Variants in KIAA1328 observed in about 807,000 individuals in gnomAD.
The protein encoded by KIAA1328 is KIAA1328.
KIAA1328 carries 52 observed loss-of-function variants against 68.1 expected under a neutral mutation model. The observed-to-expected ratio is 0.76, with a 90% CI of 0.61 to 0.96. The LOEUF (loss-of-function observed/expected upper bound fraction) is 0.96, where lower values mean the gene tolerates loss of function less well. Ranked by LOEUF, KIAA1328 falls within the 40% of genes least tolerant of loss-of-function variation. The pLI is 0.00. For synonymous variants in KIAA1328, 232 were observed against 239.4 expected (o/e 0.97, Z 0.28); for missense variants, 641 against 677.6 (o/e 0.95, Z 0.60).
At chr18:37,008,556 A>T (rs1027429652) in intron 6 of KIAA1328, among the ~76,000 whole-genome samples, 1 of 152,238 alleles carries the variant, frequency 6.6e-6, no homozygotes, top group Non-Finnish European at 1.5e-5. Flanking sequence ...TAGAGAAAAG[A>T]TAATTAAGAA....
chr18:36,880,218 C>A (rs930636913), intron 4 of KIAA1328, among the ~76,000 whole-genome samples: 2 of 152,152 alleles, frequency 1.3e-5, no homozygotes, highest in African/African-American at 4.8e-5. Flanking sequence ...AAGCATAGTA[C>A]CTGGGTCAGA....
intron 6 of KIAA1328, among the ~76,000 whole-genome samples, chr18:37,054,816 T>A (rs1186964073): frequency 6.6e-6 from 1 of 152,178 alleles, no homozygotes; most frequent in Non-Finnish European, 1.5e-5. Context: ...ATCTATTTTT[T>A]AAAAAGATTA....
At chr18:37,196,377 A>G (rs1384068336) in intron 9 of KIAA1328, among the ~76,000 whole-genome samples, 1 of 152,136 alleles carries the variant, frequency 6.6e-6, no homozygotes, top group Non-Finnish European at 1.5e-5. Context: ...CTTAGTGGAA[A>G]AGCTTTCAGT....
intron 6 of KIAA1328, among the ~76,000 whole-genome samples, chr18:37,049,488 A>T (rs2055607149): frequency 6.6e-6 from 1 of 152,196 alleles, no homozygotes; most frequent in Non-Finnish European, 1.5e-5. Context: ...AATACTCTAA[A>T]TTTTTAAAAG....
rs139865513 is a variant in KIAA1328, at chr18:37,035,801, G to A, written c.577-31089G>A. Among the ~76,000 whole-genome samples the A allele has an allele frequency of 8.8e-3, 1,344 of 152,278 alleles. 12 individuals are homozygous for A. Among genetic ancestry groups the A allele is most frequent in the Non-Finnish European group, 0.011 (742 of 68,018 alleles). The stretch of plus-strand genomic sequence containing the variant: ...TGTTTTCAGCACACACAATAAAAGA[G>A]TCCTTTAAGCTTAAAAGGGTTATAA... On this transcript the variant is annotated intron_variant, in intron 6 of 9. Transcript: ENST00000280020.
intron 6 of KIAA1328, among the ~76,000 whole-genome samples, chr18:36,968,024 G>T (rs527943350): frequency 6.6e-6 from 1 of 152,100 alleles, no homozygotes; most frequent in Non-Finnish European, 1.5e-5. Context: ...CATATTTCAG[G>T]ATATCATTCA....
At chr18:37,143,521 C>CTTTTTTTTTTTTTTTTTTTTTTTTTG (rs57046567) in intron 7 of KIAA1328, among the ~76,000 whole-genome samples, 1 of 90,778 alleles carries the variant, frequency 1.1e-5, no homozygotes, top group Admixed American at 1.2e-4. Flanking sequence ...TTTTTTCTTT[C>CTTTTTTTTTTTTTTTTTTTTTTTTTG]TTTTTTTTTT....
At chr18:37,006,844 A>T (rs987671318) in intron 6 of KIAA1328, among the ~76,000 whole-genome samples, 2 of 152,166 alleles carry the variant, frequency 1.3e-5, no homozygotes, top group Non-Finnish European at 2.9e-5. Context: ...CATCAAAAAC[A>T]TGACAGAGTA....
chr18:36,835,042 C>A lies in KIAA1328; in HGVS notation c.95-192C>A, dbSNP rs113890958. Among the ~76,000 whole-genome samples the A allele has an allele frequency of 8.4e-3, 1,277 of 152,210 alleles. 19 individuals carry two copies. Among genetic ancestry groups the A allele is most frequent in the African/African-American group, 0.029 (1,197 of 41,528 alleles). On this transcript the variant is annotated intron_variant, in intron 2 of 9. Coordinates refer to ENST00000280020, the MANE Select transcript of KIAA1328 (RefSeq NM_020776.3). ...ATATAAAAACAAATTTCAATTCAAT[C>A]TTTAGTGTATTTCTTTAAAACATAT...
chr18:36,951,049 T>C (rs1262131724), intron 5 of KIAA1328, among the ~76,000 whole-genome samples: 1 of 152,194 alleles, frequency 6.6e-6, no homozygotes, highest in African/African-American at 2.4e-5. Context: ...ACTTCATCTT[T>C]TTATTTATCT....
At position 37,225,015 on chromosome 18, in the gene KIAA1328, C is replaced by A. The variant is rs1243568174; in HGVS notation, c.*2788C>A. 1.0e-6 allele frequency: 1 copy of A among 985,282 alleles called. No homozygotes were observed. Among genetic ancestry groups the A allele is most frequent in the Non-Finnish European group, 1.2e-6 (1 of 829,918 alleles). The allele number at this position is 985,282 out of a possible 1,614,324, so 61.0% of individuals were successfully genotyped here. A position where few individuals can be genotyped will look rare whatever the true frequency, so the allele number is the denominator to read the frequency against. On this transcript the variant is annotated 3_prime_UTR_variant, in exon 10 of 10. Coordinates refer to ENST00000280020, the MANE Select transcript of KIAA1328 (RefSeq NM_020776.3). ...ACTTGTGTTTATCCAAACCTGATCCCCATGATGGGGACTTTTCTAGAGCAC... is the reference window on the plus strand; with the variant it reads ...ACTTGTGTTTATCCAAACCTGATCCACATGATGGGGACTTTTCTAGAGCAC...
chr18:37,225,459 AGGAGCCT>A (rs1195828368), downstream of KIAA1328: 1 of 311,612 alleles, frequency 3.2e-6, no homozygotes, highest in Non-Finnish European at 4.7e-6. Flanking sequence ...TTAAAACAGC[AGGAGCCT>A]GTCGTTGACT....
At chr18:36,890,090 G>A (rs2150996584) in intron 5 of KIAA1328, among the ~76,000 whole-genome samples, 1 of 151,924 alleles carries the variant, frequency 6.6e-6, no homozygotes, top group South Asian at 2.1e-4. Flanking sequence ...CTCTGACTAG[G>A]GCTTAGTAAA....
At chr18:37,181,558 A>C (rs2059699023) in intron 9 of KIAA1328, among the ~76,000 whole-genome samples, 1 of 152,190 alleles carries the variant, frequency 6.6e-6, no homozygotes, top group South Asian at 2.1e-4. Context: ...ACTGGTTTAT[A>C]GTGTGTAAGT....
chr18:37,122,959 GTAAT>G (rs1373743324), intron 7 of KIAA1328, among the ~76,000 whole-genome samples: 2 of 152,182 alleles, frequency 1.3e-5, no homozygotes, highest in Non-Finnish European at 2.9e-5. Flanking sequence ...TATTGAAGTA[GTAAT>G]GTATGTTATA....
At chr18:36,983,635 G>A (rs377162947) in intron 6 of KIAA1328, among the ~76,000 whole-genome samples, 71 of 152,052 alleles carry the variant, frequency 4.7e-4, no homozygotes, top group African/African-American at 1.6e-3. Context: ...TAGTTAAAAA[G>A]CTTTCTCACA....
At chr18:36,958,900 T>C (rs1486488171) in intron 5 of KIAA1328, among the ~76,000 whole-genome samples, 1 of 152,090 alleles carries the variant, frequency 6.6e-6, no homozygotes, top group Non-Finnish European at 1.5e-5. Context: ...CATCGCCTAA[T>C]CCAAGGTCAC....
intron 9 of KIAA1328, among the ~76,000 whole-genome samples, chr18:37,179,995 A>G (rs2059667789): frequency 6.6e-6 from 1 of 150,998 alleles, no homozygotes; most frequent in South Asian, 2.1e-4. Context: ...CTTGATTGTA[A>G]CAGTGATCTA....
intron 7 of KIAA1328, among the ~76,000 whole-genome samples, chr18:37,106,181 T>C (rs927154800): frequency 1.8e-4 from 28 of 151,944 alleles, no homozygotes; most frequent in African/African-American, 6.3e-4. Context: ...GGAATATTTG[T>C]CAATAAAAAG....
Sources: allele counts gnomAD v4.1 joint callset (sites outside exome capture counted in the v4.1 genomes callset), GRCh38; gene constraint gnomAD v4.1.1; transcripts MANE v1.5; gene names NCBI Gene and HGNC (gene_info 2026-07-23, HGNC 2026-07-21).